The following NUCKS1 variants were observed in gnomAD, a reference collection of about 807,000 sequenced individuals.
NUCKS1 encodes nuclear ubiquitous casein and cyclin-dependent kinase substrate 1.
Under a neutral mutation model 33.0 loss-of-function variants are expected in NUCKS1, and 2 were observed. The observed-to-expected ratio is 0.06, with a 90% CI of 0.02 to 0.19. NUCKS1 has a LOEUF of 0.19. NUCKS1 is among the 10% of genes least tolerant of loss of function. The pLI is 1.00. For synonymous variants in NUCKS1, 106 were observed against 102.8 expected, an observed-to-expected ratio of 1.03 and a Z score of -0.19; for missense variants, 201 against 293.6, an observed-to-expected ratio of 0.68 and a Z score of 2.31.
intron 4 of NUCKS1, among the ~76,000 whole-genome samples, chr1:205,722,081 T>A (rs541208368): frequency 3.5e-4 from 52 of 147,260 alleles, no homozygotes; most frequent in Admixed American, 8.8e-4. Context: ...GAAAAAAAAA[T>A]TTTTTTTTTT....
At chr1:205,721,988 A>T (rs1231435222) in intron 4 of NUCKS1, among the ~76,000 whole-genome samples, 1 of 152,130 alleles carries the variant, frequency 6.6e-6, no homozygotes, top group Non-Finnish European at 1.5e-5. Context: ...AATCTTTAAA[A>T]TACATATTTA....
At chr1:205,738,003 C>A (rs1296874456) in intron 1 of NUCKS1, among the ~76,000 whole-genome samples, 1 of 152,102 alleles carries the variant, frequency 6.6e-6, no homozygotes, top group African/African-American at 2.4e-5. Context: ...ACTTTACCTC[C>A]AAAATTATAT....
intron 4 of NUCKS1, among the ~76,000 whole-genome samples, chr1:205,722,837 A>C (rs1422273518): frequency 2.0e-5 from 3 of 152,230 alleles, no homozygotes; most frequent in Non-Finnish European, 4.4e-5. Flanking sequence ...TAGTCCCATG[A>C]GCCTTGCCAT....
chr1:205,727,640 A>G (rs1190290688), intron 3 of NUCKS1, 60 bp downstream of exon 3: 9 of 1,077,566 alleles, frequency 8.4e-6, no homozygotes, highest in Non-Finnish European at 1.2e-5. Flanking sequence ...GAGATCAGAG[A>G]CTGCTCTCAT....
At chr1:205,738,830 C>A (rs900043755) in intron 1 of NUCKS1, among the ~76,000 whole-genome samples, 1 of 152,238 alleles carries the variant, frequency 6.6e-6, no homozygotes, top group South Asian at 2.1e-4. Context: ...ATAGCTTGAG[C>A]CTGGGAGGCG....
In NUCKS1 at chr1:205,719,528, T is replaced by A; in HGVS notation, c.531A>T (p.Thr177=). The change falls in exon 6 of 7, where the codon ACA becomes ACT. Residue 177 remains threonine (T), a splice_region_variant and synonymous_variant. Coordinates refer to ENST00000367142, the MANE Select transcript of NUCKS1 (RefSeq NM_022731.5). ...KKMPKPRLKA[T]VTPSPVKGKG... is the part of the protein sequence containing the mutation. ...TAATTTCACTTCTGCAGAAATTACC[T>A]GTAGCCTTTAGTCTGGGTTTGGGCA... The A allele has an allele frequency of 6.3e-7, 1 of 1,593,236 alleles. No individual in the cohort carries two copies. The highest frequency in any genetic ancestry group is 8.5e-7 in the Non-Finnish European group (1 of 1,175,342).
chr1:205,730,641 AC>A (rs1389103760), intron 1 of NUCKS1, among the ~76,000 whole-genome samples: 87 of 151,920 alleles, frequency 5.7e-4, no homozygotes, highest in Middle Eastern at 6.8e-3. Flanking sequence ...GGCGTGTGCC[AC>A]CACGCCTGGC....
At chr1:205,728,345 C>A (rs868861177) in intron 2 of NUCKS1, among the ~76,000 whole-genome samples, 2 of 152,110 alleles carry the variant, frequency 1.3e-5, no homozygotes, top group East Asian at 3.9e-4. Flanking sequence ...CACACACACA[C>A]GATGGCGAGA....
At chr1:205,737,629 G>A (rs1007710335) in intron 1 of NUCKS1, among the ~76,000 whole-genome samples, 8 of 151,990 alleles carry the variant, frequency 5.3e-5, no homozygotes, top group African/African-American at 1.7e-4. Flanking sequence ...ATAAAACCTC[G>A]GTATTTTCAC....
At chr1:205,734,456 T>C (rs1198920363) in intron 1 of NUCKS1, among the ~76,000 whole-genome samples, 1 of 152,158 alleles carries the variant, frequency 6.6e-6, no homozygotes, top group East Asian at 1.9e-4. Context: ...AATATGAATA[T>C]AGAAGCAATT....
At chr1:205,731,644 C>T (rs943402176) in intron 1 of NUCKS1, among the ~76,000 whole-genome samples, 5 of 152,078 alleles carry the variant, frequency 3.3e-5, no homozygotes, top group Non-Finnish European at 7.4e-5. Flanking sequence ...ATAATTTCAC[C>T]ACTTTGGGAG....
chr1:205,735,249 T>A (rs1191644737), intron 1 of NUCKS1, among the ~76,000 whole-genome samples: 2 of 152,236 alleles, frequency 1.3e-5, no homozygotes, highest in Admixed American at 1.3e-4. Context: ...TTTCTATGTT[T>A]AGATATATAA....
chr1:205,746,445 TCTCTCTCTCACACACA>T (rs1262797108), intron 1 of NUCKS1, among the ~76,000 whole-genome samples: 38 of 84,938 alleles, frequency 4.5e-4, no homozygotes, highest in African/African-American at 1.2e-3. Flanking sequence ...CTTCTCTCTC[TCTCTCTCTCACACACA>T]CACACACACA....
At chr1:205,722,925 C>T (rs1394176374) in intron 4 of NUCKS1, among the ~76,000 whole-genome samples, 1 of 152,122 alleles carries the variant, frequency 6.6e-6, no homozygotes, top group African/African-American at 2.4e-5. Flanking sequence ...CATGGCCGAC[C>T]CAAAACTAAA....
chr1:205,744,637 T>TTTTTTG (rs1297014670), intron 1 of NUCKS1, among the ~76,000 whole-genome samples: 4 of 137,520 alleles, frequency 2.9e-5, no homozygotes, highest in African/African-American at 8.2e-5. Flanking sequence ...AGAGTTTTTT[T>TTTTTTG]TTTTTTTTTT....
At position 205,719,800 on chromosome 1, in the gene NUCKS1, T is replaced by C. The variant is rs1671889583; in HGVS notation, c.383-124A>G. On this transcript the variant is annotated intron_variant, in intron 5 of 6. Coordinates refer to ENST00000367142, the MANE Select transcript of NUCKS1 (RefSeq NM_022731.5). ...GGAGTCAAACACCCTTGGATTCTAT[T>C]TGGAGCTGTACTACCAATTTGACTG... 10 of 1,041,832 alleles carry C rather than the reference T, an allele frequency of 9.6e-6. No individual in the cohort carries two copies. The Admixed American group carries it at 1.8e-4, about 19-fold the overall frequency. 64.5% of individuals were successfully genotyped at this position (1,041,832 alleles called of 1,614,324 possible).
Position 205,719,568 on chromosome 1 carries a change from C to G in NUCKS1, c.491G>C (p.Arg164Thr). 1 of 1,612,086 alleles carries G rather than the reference C, an allele frequency of 6.2e-7. No individual in the cohort carries two copies. Among genetic ancestry groups the G allele is most frequent in the Non-Finnish European group, 8.5e-7 (1 of 1,179,572 alleles). ...KKMVKKSKPE[R>T]KEKKMPKPRL... is the part of the protein sequence containing the mutation. ...GGGTTTGGGCATTTTCTTTTCTTTT[C>G]TTTCAGGTTTGGACTTCTTAACCAT... Residue 164 changes from arginine (R) to threonine (T), a missense_variant, in exon 6 of 7, where the codon AGA becomes ACA. Arg to Thr is a moderately conservative substitution (Grantham distance 71). Transcript: ENST00000367142.
At chr1:205,738,787 A>G (rs1038254769) in intron 1 of NUCKS1, among the ~76,000 whole-genome samples, 3 of 152,144 alleles carry the variant, frequency 2.0e-5, no homozygotes, top group Non-Finnish European at 4.4e-5. Context: ...GCACCTGTGA[A>G]GTCCCAGCCA....
intron 1 of NUCKS1, among the ~76,000 whole-genome samples, chr1:205,742,497 T>A (rs75511917): frequency 0.061 from 9,237 of 152,316 alleles, 328 homozygotes; most frequent in Middle Eastern, 0.082. Context: ...GGCGCCCAGT[T>A]TGACCGAAGT....
Sources: gnomAD v4.1 joint callset for allele counts (sites outside exome capture counted in the v4.1 genomes callset) on GRCh38, gnomAD v4.1.1 for gene constraint, MANE v1.5 for transcripts, NCBI Gene and HGNC (gene_info 2026-07-23, HGNC 2026-07-21) for gene names.